SLC44A2: variants seen among roughly 807,000 people sequenced by gnomAD.
The protein encoded by SLC44A2 is solute carrier family 44 member 2 (CTL2 blood group), also known as choline transporter-like protein 2.
A neutral mutation model predicts 90.8 loss-of-function variants in SLC44A2; 57 were observed. That is an observed-to-expected ratio of 0.63 (90% CI 0.51 to 0.78). The LOEUF (loss-of-function observed/expected upper bound fraction) is 0.78. Ranked by LOEUF, SLC44A2 falls within the 30% of genes least tolerant of loss-of-function variation. The pLI is 0.00. For missense variants in SLC44A2, 794 were observed against 919.7 expected, an observed-to-expected ratio of 0.86 and a Z score of 1.77; for synonymous variants, 355 against 360.7, an observed-to-expected ratio of 0.98 and a Z score of 0.18.
At chr19:10,637,983 G>A in intron 18 of SLC44A2, 40 bp from the exon 19 acceptor site, 1 of 1,614,016 alleles carries the variant, frequency 6.2e-7, no homozygotes, top group African/African-American at 1.3e-5. Flanking sequence ...CCTAGTCCCT[G>A]AAGCCAGCAT....
At position 10,618,474 on chromosome 19, in the gene SLC44A2, C is replaced by CT. The variant is rs3029799; in HGVS notation, c.32-7756dup. Among the ~76,000 whole-genome samples, 272 of 87,306 alleles carry CT rather than the reference C, an allele frequency of 3.1e-3. 2 individuals carry two copies. Among genetic ancestry groups the CT allele is most frequent in the Non-Finnish European group, 4.3e-3 (201 of 46,932 alleles). 57.3% of individuals were successfully genotyped at this position (87,306 alleles called of 152,430 possible). On this transcript the variant is annotated intron_variant, in intron 1 of 21. Transcript: ENST00000407327. ...ACAGGTGTAAGCCACTGCGCCCGGC[C>CT]TTTTTTTTTTTTTTTTTTTTTTTGA...
At chr19:10,605,579 C>T (rs1169846104) in intron 1 of SLC44A2, among the ~76,000 whole-genome samples, 5 of 152,050 alleles carry the variant, frequency 3.3e-5, no homozygotes, top group African/African-American at 1.2e-4. Flanking sequence ...CCCAGCTACT[C>T]GGGAGGCTGA....
At chr19:10,642,115 C>T (rs991679944) in intron 20 of SLC44A2, among the ~76,000 whole-genome samples, 1 of 150,890 alleles carries the variant, frequency 6.6e-6, no homozygotes, top group Non-Finnish European at 1.5e-5. Flanking sequence ...CAAGATCGTA[C>T]CATGGCACTC....
At chr19:10,628,070 C>T in intron 4 of SLC44A2, 66 bp downstream of exon 4, 1 of 1,405,308 alleles carries the variant, frequency 7.1e-7, no homozygotes, top group Non-Finnish European at 9.9e-7. Context: ...AGGCATTCCC[C>T]ATCTCTCTAA....
At chr19:10,619,754 G>A (rs1033790805) in intron 1 of SLC44A2, among the ~76,000 whole-genome samples, 2 of 152,078 alleles carry the variant, frequency 1.3e-5, no homozygotes, top group African/African-American at 4.8e-5. Flanking sequence ...AGGAGTTCGC[G>A]ACTAGCCTGG....
At chr19:10,618,745 G>C (rs1450882681) in intron 1 of SLC44A2, among the ~76,000 whole-genome samples, 2 of 151,540 alleles carry the variant, frequency 1.3e-5, no homozygotes, top group Non-Finnish European at 2.9e-5. Flanking sequence ...TAATTTTTTT[G>C]TGTATTTTAG....
intron 20 of SLC44A2, among the ~76,000 whole-genome samples, chr19:10,640,371 A>G (rs1165015501): frequency 1.3e-5 from 2 of 152,206 alleles, no homozygotes; most frequent in African/African-American, 4.8e-5. Context: ...CAATAAAGGC[A>G]TGAGCCCCTG....
intron 1 of SLC44A2, among the ~76,000 whole-genome samples, chr19:10,616,132 T>G (rs1363309025): frequency 1.3e-5 from 2 of 149,272 alleles, no homozygotes; most frequent in Admixed American, 1.3e-4. Context: ...AGTGAGACCC[T>G]GTCTCCAAAG....
Position 10,638,090 on chromosome 19 carries a change from G to A in SLC44A2, c.1837G>A (p.Val613Met). Residue 613 changes from valine (V) to methionine (M), a missense_variant, in exon 19 of 22, where the codon GTG becomes ATG. Coordinates refer to ENST00000335757, the MANE Select transcript of SLC44A2 (RefSeq NM_020428.4). ...GGGCAAACTTCTGATCGTTGGTAGT[G>A]TGGGTGAGTGCCGCCCACCTAGCCT... ...LLGKLLIVGS[V>M]GILAFFFFTH... 3 of 1,613,662 alleles carry A rather than the reference G, an allele frequency of 1.9e-6. No individual in the cohort carries two copies. The highest frequency in any genetic ancestry group is 2.5e-6 in the Non-Finnish European group (3 of 1,179,936).
rs770933902 is a variant in SLC44A2, at chr19:10,620,228, C to T, written c.32-6025C>T. 3.4e-4 allele frequency among the ~76,000 whole-genome samples: 52 copies of T among 152,090 alleles called. 1 individual carries two copies. Among genetic ancestry groups the T allele is most frequent in the Non-Finnish European group, 1.9e-4 (13 of 68,020 alleles). Reference sequence around the variant, plus strand: ...GGGCGCTGTGGCTCATGCCTGTAATCCCAGCACCTTGGGAGGCTGAGGTGG... The same window carrying T: ...GGGCGCTGTGGCTCATGCCTGTAATTCCAGCACCTTGGGAGGCTGAGGTGG... On this transcript the variant is annotated intron_variant, in intron 1 of 21. Transcript: ENST00000407327.
At chr19:10,610,526 G>A (rs1918263321) in intron 1 of SLC44A2, among the ~76,000 whole-genome samples, 1 of 149,728 alleles carries the variant, frequency 6.7e-6, no homozygotes, top group African/African-American at 2.5e-5. Flanking sequence ...AGTAGAAACG[G>A]GGTTTCACTG....
chr19:10,611,421 C>T (rs1918301165), intron 1 of SLC44A2, among the ~76,000 whole-genome samples: 1 of 152,034 alleles, frequency 6.6e-6, no homozygotes, highest in South Asian at 2.1e-4. Context: ...CACTGCACTC[C>T]AGCCTGGGCA....
intron 1 of SLC44A2, chr19:10,602,620 A>T: frequency 8.1e-7 from 1 of 1,237,242 alleles, no homozygotes; most frequent in Admixed American, 4.3e-5. Context: ...GAGGACCTTG[A>T]GCCAGGGGGA....
chr19:10,606,656 C>T (rs1363071286), intron 1 of SLC44A2, among the ~76,000 whole-genome samples: 1 of 151,654 alleles, frequency 6.6e-6, no homozygotes, highest in Admixed American at 6.6e-5. Context: ...ACTAAAAATA[C>T]AAAAATGTTC....
chr19:10,643,130 C>T, intron 21 of SLC44A2, 149 bp from the exon 22 acceptor site: 1 of 1,449,758 alleles, frequency 6.9e-7, no homozygotes, highest in Non-Finnish European at 9.0e-7. Flanking sequence ...TCCCTCGGAG[C>T]CCACTACAGT....
chr19:10,624,060 C>T (rs1393495114), upstream of SLC44A2, among the ~76,000 whole-genome samples: 2 of 151,052 alleles, frequency 1.3e-5, no homozygotes, highest in African/African-American at 2.4e-5. Context: ...TGCAGTGGCA[C>T]GATCTCGGCT....
intron 1 of SLC44A2, among the ~76,000 whole-genome samples, chr19:10,615,880 G>A (rs2066851106): frequency 6.6e-6 from 1 of 151,568 alleles, no homozygotes; most frequent in Admixed American, 6.6e-5. Flanking sequence ...ATGAAATGAG[G>A]CGGGCTGGAC....
At chr19:10,629,643 T>A (rs2066972473) in intron 4 of SLC44A2, among the ~76,000 whole-genome samples, 1 of 151,930 alleles carries the variant, frequency 6.6e-6, no homozygotes, top group African/African-American at 2.4e-5. Context: ...AGTGGCAGGA[T>A]CATAGCTCGC....
intron 1 of SLC44A2, among the ~76,000 whole-genome samples, chr19:10,614,414 G>A (rs889007449): frequency 6.6e-6 from 1 of 152,040 alleles, no homozygotes; most frequent in African/African-American, 2.4e-5. Context: ...TTAAGTTTTT[G>A]TAGAGACAGG....
Sources: allele counts gnomAD v4.1 joint callset (sites outside exome capture counted in the v4.1 genomes callset), GRCh38; gene constraint gnomAD v4.1.1; transcripts MANE v1.5; gene names NCBI Gene and HGNC (gene_info 2026-07-23, HGNC 2026-07-21).